The following ANK3 variants were observed in gnomAD, a reference collection of about 807,000 sequenced individuals.
The protein encoded by ANK3 is ankyrin 3.
Under a neutral mutation model 370.9 loss-of-function variants are expected in ANK3, and 57 were observed. The observed-to-expected ratio is 0.15, with a 90% CI of 0.12 to 0.19. ANK3 has a LOEUF of 0.19. Among genes scored for constraint, ANK3 ranks in the 10% least tolerant of loss-of-function variants. ANK3 has a pLI of 1.00. For missense variants in ANK3, 4,439 were observed against 5,302.1 expected (o/e 0.84, Z 5.06); for synonymous variants, 1,929 against 1,946.3 (o/e 0.99, Z 0.23).
chr10:60,142,113 A>G (rs962406681), intron 23 of ANK3, among the ~76,000 whole-genome samples: 1 of 152,188 alleles, frequency 6.6e-6, no homozygotes, highest in Admixed American at 6.5e-5. Context: ...AGCAAGGCCT[A>G]TGATGCAATG....
At chr10:60,718,095 C>T (rs1216671302) in intron 1 of ANK3, among the ~76,000 whole-genome samples, 1 of 152,226 alleles carries the variant, frequency 6.6e-6, no homozygotes, top group Non-Finnish European at 1.5e-5. Context: ...TGAGACTCAG[C>T]TGCTGTGATT....
chr10:60,058,237 A>G (rs1374485515), intron 41 of ANK3, among the ~76,000 whole-genome samples: 1 of 152,196 alleles, frequency 6.6e-6, no homozygotes, highest in Non-Finnish European at 1.5e-5. Flanking sequence ...GAGCTTAGAG[A>G]TTCATCCCAA....
chr10:60,449,821 C>A lies in ANK3; in HGVS notation c.96+165365G>T, dbSNP rs568120648. 2.6e-4 allele frequency among the ~76,000 whole-genome samples: 40 copies of A among 152,254 alleles called. No homozygotes were observed. In the South Asian group the frequency reaches 8.1e-3, roughly 31 times the overall value. On this transcript the variant is annotated intron_variant, in intron 2 of 43. Coordinates refer to the ANK3 transcript ENST00000373827. ...ACAACTCCATATATTTTCCAGAATA[C>A]AGAATATTCCTTTGGCCTCAAGGGA... is the stretch of plus-strand genomic sequence containing the variant.
At chr10:60,030,765 C>T (rs1391312156) in intron 43 of ANK3, among the ~76,000 whole-genome samples, 1 of 152,206 alleles carries the variant, frequency 6.6e-6, no homozygotes, top group South Asian at 2.1e-4. Context: ...AGTGGCAATA[C>T]ACCTTTCTCC....
chr10:60,402,378 C>T (rs1196651884), intron 2 of ANK3, among the ~76,000 whole-genome samples: 6 of 152,044 alleles, frequency 3.9e-5, no homozygotes, highest in African/African-American at 1.5e-4. Flanking sequence ...TGGGAGGATG[C>T]CTGAGGATTA....
chr10:60,377,735 G>T (rs1033611762), intron 1 of ANK3, among the ~76,000 whole-genome samples: 1 of 152,178 alleles, frequency 6.6e-6, no homozygotes, highest in African/African-American at 2.4e-5. Context: ...CAGGGGCAGG[G>T]TGCCTTAGAG....
intron 1 of ANK3, among the ~76,000 whole-genome samples, chr10:60,307,782 T>C (rs2045471957): frequency 6.6e-6 from 1 of 152,204 alleles, no homozygotes; most frequent in Admixed American, 6.5e-5. Context: ...AAAAAAACCC[T>C]ACTATCTTTT....
At chr10:60,118,634 T>C (rs1390750576) in intron 25 of ANK3, among the ~76,000 whole-genome samples, 1 of 151,568 alleles carries the variant, frequency 6.6e-6, no homozygotes, top group East Asian at 2.0e-4. Context: ...AAACACTTAA[T>C]ACAAAGTAGT....
At chr10:60,189,991 G>C (rs2096443938) in intron 16 of ANK3, among the ~76,000 whole-genome samples, 1 of 152,064 alleles carries the variant, frequency 6.6e-6, no homozygotes, top group South Asian at 2.1e-4. Context: ...TCTACAATTA[G>C]TATCCAGGTT....
At chr10:60,325,857 T>A (rs1169826929) in intron 1 of ANK3, among the ~76,000 whole-genome samples, 2 of 152,168 alleles carry the variant, frequency 1.3e-5, no homozygotes, top group African/African-American at 4.8e-5. Context: ...CCAGTCACAA[T>A]AACAAAGACA....
chr10:60,663,071 G>C (rs74155648), intron 1 of ANK3, among the ~76,000 whole-genome samples: 7,928 of 152,124 alleles, frequency 0.052, 279 homozygotes, highest in African/African-American at 0.086. Context: ...CCATGAACTC[G>C]CCTCACAAAA....
In ANK3 at chr10:60,671,986, G is replaced by T. The variant is rs370548483; in HGVS notation, c.58-56762C>A. On this transcript the variant is annotated intron_variant, in intron 1 of 43. Coordinates refer to the ANK3 transcript ENST00000373827. The stretch of plus-strand genomic sequence containing the variant: ...GCAACTTAGTGAGAGATCATGAATC[G>T]GAAACCCCTAACTGAGCTGCTCCTG... Among the ~76,000 whole-genome samples the T allele has an allele frequency of 9.2e-5, 14 of 152,318 alleles. No individual in the cohort carries two copies. In the East Asian group the frequency reaches 1.7e-3, roughly 19 times the overall value.
intron 2 of ANK3, among the ~76,000 whole-genome samples, chr10:60,533,699 T>C (rs12264060): frequency 0.015 from 2,210 of 152,256 alleles, 52 homozygotes; most frequent in African/African-American, 0.05. Flanking sequence ...ATAGCTGTCT[T>C]ATATTCCAAA....
intron 2 of ANK3, among the ~76,000 whole-genome samples, chr10:60,423,547 A>C (rs12261674): frequency 0.029 from 4,434 of 151,926 alleles, 227 homozygotes; most frequent in African/African-American, 0.1. Flanking sequence ...CATTGCAATA[A>C]CCTTCAGGCT....
chr10:60,615,006 G>A (rs2078249349), intron 2 of ANK3, among the ~76,000 whole-genome samples: 1 of 152,102 alleles, frequency 6.6e-6, no homozygotes, highest in South Asian at 2.1e-4. Context: ...CTAGGCGAGA[G>A]TATAAAAGCC....
intron 1 of ANK3, among the ~76,000 whole-genome samples, chr10:60,699,875 C>T (rs1457173234): frequency 1.3e-5 from 2 of 152,102 alleles, no homozygotes; most frequent in African/African-American, 4.8e-5. Flanking sequence ...CAGGAAATCA[C>T]ATCATCAACA....
At chr10:60,441,250 A>T (rs1595041610) in intron 2 of ANK3, among the ~76,000 whole-genome samples, 1 of 152,088 alleles carries the variant, frequency 6.6e-6, no homozygotes, top group Non-Finnish European at 1.5e-5. Context: ...ATATCATTCC[A>T]CTCCTGATTT....
At chr10:60,654,744 G>GT (rs35912234) in intron 1 of ANK3, among the ~76,000 whole-genome samples, 3 of 151,884 alleles carry the variant, frequency 2.0e-5, no homozygotes, top group African/African-American at 7.3e-5. Flanking sequence ...TGATTTATAG[G>GT]TTTTTTTCCT....
At chr10:60,401,508 G>A (rs899063167) in intron 2 of ANK3, among the ~76,000 whole-genome samples, 10 of 152,158 alleles carry the variant, frequency 6.6e-5, no homozygotes, top group Non-Finnish European at 1.3e-4. Flanking sequence ...ATTCAGAAAT[G>A]AGTACCATTA....
Sources: allele counts gnomAD v4.1 joint callset (sites outside exome capture counted in the v4.1 genomes callset), GRCh38; gene constraint gnomAD v4.1.1; transcripts MANE v1.5; gene names NCBI Gene and HGNC (gene_info 2026-07-23, HGNC 2026-07-21).